The following TRPS1 variants were observed in gnomAD, a reference collection of about 807,000 sequenced individuals.
The protein encoded by TRPS1 is transcriptional repressor GATA binding 1.
TRPS1 carries 6 observed loss-of-function variants against 101.2 expected under a neutral mutation model. The observed-to-expected ratio is 0.06, with a 90% CI of 0.03 to 0.12. The LOEUF (loss-of-function observed/expected upper bound fraction) is 0.12. Ranked by LOEUF, TRPS1 falls within the 10% of genes least tolerant of loss-of-function variation. The pLI is 1.00. For missense variants in TRPS1, 1,363 were observed against 1,567.0 expected (o/e 0.87, Z 2.20); for synonymous variants, 578 against 589.8 (o/e 0.98, Z 0.29).
chr8:115,424,416 T>C (rs922658580), intron 5 of TRPS1, among the ~76,000 whole-genome samples: 1 of 152,204 alleles, frequency 6.6e-6, no homozygotes, highest in African/African-American at 2.4e-5. Flanking sequence ...GGAGTAATTA[T>C]TGCGTGTCCA....
intron 4 of TRPS1, among the ~76,000 whole-genome samples, chr8:115,599,538 C>T (rs1003966411): frequency 4.6e-5 from 7 of 151,996 alleles, no homozygotes; most frequent in Non-Finnish European, 1.0e-4. Flanking sequence ...CCCTCCACAC[C>T]GTGTCCATAT....
intron 5 of TRPS1, among the ~76,000 whole-genome samples, chr8:115,479,233 A>G (rs993027604): frequency 1.3e-5 from 2 of 152,170 alleles, no homozygotes; most frequent in Non-Finnish European, 2.9e-5. Context: ...CGTCAAAACT[A>G]TGATTGAATT....
At chr8:115,628,818 C>T (rs1193392155) in intron 1 of TRPS1, among the ~76,000 whole-genome samples, 5 of 151,754 alleles carry the variant, frequency 3.3e-5, no homozygotes, top group Non-Finnish European at 7.4e-5. Flanking sequence ...TCTCTAGACT[C>T]TTCCCATAAT....
chr8:115,616,543 C>T (rs1221631567), intron 3 of TRPS1, among the ~76,000 whole-genome samples: 38 of 146,304 alleles, frequency 2.6e-4, no homozygotes, highest in Non-Finnish European at 1.0e-4. Context: ...TTTTTTTTGG[C>T]CTAAAATGTC....
intron 3 of TRPS1, among the ~76,000 whole-genome samples, chr8:115,615,535 C>T (rs910466416): frequency 8.5e-5 from 13 of 152,062 alleles, no homozygotes; most frequent in African/African-American, 3.1e-4. Flanking sequence ...TTTGGGAGGC[C>T]GAGGCGGGTG....
At position 115,500,319 on chromosome 8, in the gene TRPS1, T is replaced by C. The variant is rs773466554; in HGVS notation, c.2701-81867A>G. ...CTGGGATTACAGGTGTGAGGCACCG[T>C]GCCCGGCCTATTTCTTAAGTTACTT... is the stretch of plus-strand genomic sequence containing the variant. On this transcript the variant is annotated intron_variant, in intron 5 of 6. Coordinates refer to ENST00000395715, the MANE Select transcript of TRPS1 (RefSeq NM_014112.5). Among the ~76,000 whole-genome samples, 32 of 151,868 alleles carry C rather than the reference T, an allele frequency of 2.1e-4. 1 individual carries two copies. The highest frequency in any genetic ancestry group is 2.6e-4 in the Non-Finnish European group (18 of 67,960).
At chr8:115,573,845 G>C (rs947579767) in intron 5 of TRPS1, among the ~76,000 whole-genome samples, 1 of 151,932 alleles carries the variant, frequency 6.6e-6, no homozygotes, top group African/African-American at 2.4e-5. Context: ...ATCTTACATT[G>C]TTTCTTCTAT....
intron 5 of TRPS1, among the ~76,000 whole-genome samples, chr8:115,449,421 C>T (rs1039112925): frequency 4.6e-5 from 7 of 152,196 alleles, no homozygotes; most frequent in South Asian, 2.1e-4. Context: ...ACAGTCCATT[C>T]AGCGTGACTG....
intron 5 of TRPS1, among the ~76,000 whole-genome samples, chr8:115,569,048 A>G (rs1817138944): frequency 6.6e-6 from 1 of 152,126 alleles, no homozygotes; most frequent in African/African-American, 2.4e-5. Flanking sequence ...TTTCCTGCAA[A>G]TGACTTTTAC....
chr8:115,410,492 AT>A lies in TRPS1; in HGVS notation c.*3530del, dbSNP rs1812764818. ...CTATCTTAAAAGTTGATTAAAAAAAATCTCAATATGTCATGTAGAGAGAATT... is the reference window on the plus strand; with the variant it reads ...CTATCTTAAAAGTTGATTAAAAAAAACTCAATATGTCATGTAGAGAGAATT... On this transcript the variant is annotated 3_prime_UTR_variant, in exon 7 of 7. Transcript: ENST00000395715. The A allele has an allele frequency of 6.6e-6, 1 of 152,486 alleles. No individual in the cohort carries two copies. 9.4% of individuals were successfully genotyped at this position (152,486 alleles called of 1,614,324 possible). A position where few individuals can be genotyped will look rare whatever the true frequency, so the allele number is the denominator to read the frequency against.
At chr8:115,438,904 C>T (rs1813521850) in intron 5 of TRPS1, among the ~76,000 whole-genome samples, 1 of 152,154 alleles carries the variant, frequency 6.6e-6, no homozygotes, top group Admixed American at 6.5e-5. Flanking sequence ...TAGATTTATT[C>T]CTTTTGCTAG....
intron 5 of TRPS1, among the ~76,000 whole-genome samples, chr8:115,540,143 T>C (rs1816417796): frequency 6.6e-6 from 1 of 152,168 alleles, no homozygotes; most frequent in South Asian, 2.1e-4. Context: ...ATAAATTCCA[T>C]CATGGAAGAA....
chr8:115,442,200 G>A (rs1381145992), intron 5 of TRPS1, among the ~76,000 whole-genome samples: 2 of 152,078 alleles, frequency 1.3e-5, no homozygotes, highest in African/African-American at 2.4e-5. Flanking sequence ...CTTGGAGAAT[G>A]GACTTTGAAT....
chr8:115,449,255 T>C (rs1316904846), intron 5 of TRPS1, among the ~76,000 whole-genome samples: 2 of 152,230 alleles, frequency 1.3e-5, no homozygotes, highest in African/African-American at 4.8e-5. Context: ...CAATCACAGA[T>C]ATCTTTCTTT....
At chr8:115,601,691 C>T (rs1262752365) in intron 4 of TRPS1, among the ~76,000 whole-genome samples, 3 of 152,154 alleles carry the variant, frequency 2.0e-5, no homozygotes, top group Admixed American at 2.0e-4. Flanking sequence ...AATGAACAGA[C>T]AACTGTCATT....
intron 5 of TRPS1, among the ~76,000 whole-genome samples, chr8:115,560,168 C>G (rs1816913920): frequency 6.6e-6 from 1 of 151,942 alleles, no homozygotes. Flanking sequence ...AATCATTTCC[C>G]AAAGCTAGAA....
At chr8:115,640,639 C>A (rs1253652758) in intron 1 of TRPS1, among the ~76,000 whole-genome samples, 1 of 152,188 alleles carries the variant, frequency 6.6e-6, no homozygotes, top group Non-Finnish European at 1.5e-5. Context: ...AACTAACACA[C>A]CTACAGTACC....
At chr8:115,466,910 A>C (rs952262224) in intron 5 of TRPS1, among the ~76,000 whole-genome samples, 1 of 152,068 alleles carries the variant, frequency 6.6e-6, no homozygotes, top group Non-Finnish European at 1.5e-5. Flanking sequence ...TTGCCATTAA[A>C]AAAAAAAAGT....
At chr8:115,486,378 A>G (rs1814880212) in intron 5 of TRPS1, among the ~76,000 whole-genome samples, 1 of 152,162 alleles carries the variant, frequency 6.6e-6, no homozygotes, top group Non-Finnish European at 1.5e-5. Context: ...ATATGACAAT[A>G]TTGAACTTAG....
Sources: allele counts gnomAD v4.1 joint callset (sites outside exome capture counted in the v4.1 genomes callset), GRCh38; gene constraint gnomAD v4.1.1; transcripts MANE v1.5; gene names NCBI Gene and HGNC (gene_info 2026-07-23, HGNC 2026-07-21).